The following TACC2 variants were observed in gnomAD, a reference collection of about 807,000 sequenced individuals.
TACC2 encodes the protein transforming acidic coiled-coil-containing protein 2.
In TACC2, 137 loss-of-function variants were observed where a neutral mutation model predicts 227.3. The observed-to-expected ratio is 0.60, with a 90% confidence interval of 0.52 to 0.69. The LOEUF is 0.69. TACC2 is among the 30% of genes least tolerant of loss of function. The pLI is 0.00. For synonymous variants in TACC2, 1,523 were observed against 1,487.5 expected, an observed-to-expected ratio of 1.02 and a Z score of -0.55; for missense variants, 3,470 against 3,694.4, an observed-to-expected ratio of 0.94 and a Z score of 1.57.
intron 5 of TACC2, among the ~76,000 whole-genome samples, chr10:122,096,990 C>T (rs964842632): frequency 3.9e-5 from 6 of 152,186 alleles, no homozygotes; most frequent in East Asian, 1.9e-4. Flanking sequence ...CTCTTAATGC[C>T]CTTTCCTTTT....
At chr10:122,108,954 C>T (rs1038091834) in intron 5 of TACC2, among the ~76,000 whole-genome samples, 4 of 151,312 alleles carry the variant, frequency 2.6e-5, no homozygotes, top group Non-Finnish European at 5.9e-5. Context: ...AGGTTGGTCT[C>T]AAACTCCTGA....
At chr10:122,234,761 A>G (rs980615238) in intron 16 of TACC2, among the ~76,000 whole-genome samples, 1 of 151,990 alleles carries the variant, frequency 6.6e-6, no homozygotes, top group Non-Finnish European at 1.5e-5. Context: ...TTTACAAAGG[A>G]TTTTAGGCAG....
intron 2 of TACC2, chr10:122,022,431 G>A (rs1365521016): frequency 6.3e-6 from 1 of 159,728 alleles, no homozygotes; most frequent in Non-Finnish European, 1.4e-5. Context: ...TTTAGGTTTT[G>A]TAGAGATGGG....
intron 1 of TACC2, among the ~76,000 whole-genome samples, chr10:121,990,245 A>G (rs954121336): frequency 6.6e-6 from 1 of 151,830 alleles, no homozygotes; most frequent in African/African-American, 2.4e-5. Flanking sequence ...CCTCTCAAGT[A>G]GTTGGAACTA....
rs186318043 is a variant in TACC2, at chr10:122,253,695, G to C, written c.8782-296G>C. On this transcript the variant is annotated intron_variant, in intron 22 of 22. Transcript: ENST00000369005. ...ACTAGTTAGTCCTTCACTCTGTGCT[G>C]GTCACTGCCAGGAAACTACATTTAT... 8.8e-4 allele frequency among the ~76,000 whole-genome samples: 134 copies of C among 152,316 alleles called. 1 individual carries two copies. Among genetic ancestry groups the C allele is most frequent in the East Asian group, 7.7e-4 (4 of 5,190 alleles).
chr10:122,125,083 C>T (rs1592295101), intron 5 of TACC2, among the ~76,000 whole-genome samples: 1 of 152,084 alleles, frequency 6.6e-6, no homozygotes, highest in Non-Finnish European at 1.5e-5. Context: ...AGCAGTGTAC[C>T]TTTTTCCGTC....
chr10:122,049,441 A>G (rs1402661631), intron 2 of TACC2, among the ~76,000 whole-genome samples: 2 of 152,158 alleles, frequency 1.3e-5, no homozygotes, highest in East Asian at 3.9e-4. Flanking sequence ...GCTTGACCGG[A>G]GTCTCATGTA....
At chr10:122,175,713 C>G (rs748694279) in intron 7 of TACC2, among the ~76,000 whole-genome samples, 3 of 152,168 alleles carry the variant, frequency 2.0e-5, no homozygotes, top group Admixed American at 6.5e-5. Context: ...TTGTCTACAA[C>G]TCAGGGACCA....
chr10:122,188,318 C>T (rs569343755), intron 7 of TACC2, among the ~76,000 whole-genome samples: 2 of 152,276 alleles, frequency 1.3e-5, no homozygotes, highest in African/African-American at 4.8e-5. Flanking sequence ...CTCGCCCTAT[C>T]ATCCAGGCTG....
intron 5 of TACC2, among the ~76,000 whole-genome samples, chr10:122,108,669 C>G (rs2083225272): frequency 6.6e-6 from 1 of 151,602 alleles, no homozygotes; most frequent in Non-Finnish European, 1.5e-5. Context: ...TGTTCTCAAT[C>G]TCTTGACTCA....
chr10:122,059,726 A>G (rs2076591080), intron 3 of TACC2, among the ~76,000 whole-genome samples: 1 of 152,196 alleles, frequency 6.6e-6, no homozygotes, highest in Non-Finnish European at 1.5e-5. Flanking sequence ...AATAGAACAG[A>G]GACACTTTTG....
chr10:122,075,200 A>AGAAAG (rs57279930), intron 3 of TACC2, among the ~76,000 whole-genome samples: 7,001 of 122,274 alleles, frequency 0.057, 396 homozygotes, highest in East Asian at 0.23. Context: ...AAAAAAAAAA[A>AGAAAG]AAAGAAAGAA....
chr10:122,142,325 T>C (rs1246312455), intron 6 of TACC2, among the ~76,000 whole-genome samples: 1 of 152,226 alleles, frequency 6.6e-6, no homozygotes, highest in Non-Finnish European at 1.5e-5. Flanking sequence ...GGCCCAGGGT[T>C]GCGATCCTGC....
intron 7 of TACC2, among the ~76,000 whole-genome samples, chr10:122,188,143 C>T (rs571053102): frequency 6.6e-6 from 1 of 152,254 alleles, no homozygotes; most frequent in South Asian, 2.1e-4. Context: ...GATACTCCCT[C>T]CCTGGAAGTT....
intron 9 of TACC2, among the ~76,000 whole-genome samples, chr10:122,214,546 C>T (rs2095362037): frequency 6.6e-6 from 1 of 152,044 alleles, no homozygotes; most frequent in Non-Finnish European, 1.5e-5. Flanking sequence ...GGAGACGGGG[C>T]AGGGGCCAGT....
chr10:122,037,539 G>A (rs533976089), intron 2 of TACC2, among the ~76,000 whole-genome samples: 1 of 152,308 alleles, frequency 6.6e-6, no homozygotes, highest in Admixed American at 6.5e-5. Context: ...CCGGCCAATT[G>A]GAAACTGACA....
At chr10:122,113,887 G>A (rs2084136980) in intron 5 of TACC2, among the ~76,000 whole-genome samples, 1 of 152,188 alleles carries the variant, frequency 6.6e-6, no homozygotes, top group Admixed American at 6.5e-5. Flanking sequence ...GGGTGTCCTC[G>A]AAATCCAGTG....
intron 5 of TACC2, among the ~76,000 whole-genome samples, chr10:122,089,218 C>T (rs1335570602): frequency 6.6e-6 from 1 of 152,150 alleles, no homozygotes; most frequent in Non-Finnish European, 1.5e-5. Context: ...ACCATGGCTA[C>T]AATCAATTTC....
intron 18 of TACC2, 49 bp downstream of exon 18, chr10:122,238,086 T>TG (rs1157190442): frequency 1.2e-5 from 18 of 1,486,752 alleles, no homozygotes; most frequent in Non-Finnish European, 1.7e-5. Flanking sequence ...TACTTACCTG[T>TG]GGTTTAATAA....
Sources: gnomAD v4.1 joint callset for allele counts (sites outside exome capture counted in the v4.1 genomes callset) on GRCh38, gnomAD v4.1.1 for gene constraint, MANE v1.5 for transcripts, NCBI Gene and HGNC (gene_info 2026-07-23, HGNC 2026-07-21) for gene names.